Variants in CTTNBP2NL observed in about 807,000 individuals in gnomAD.
The protein encoded by CTTNBP2NL is CTTNBP2 N-terminal-like protein.
In CTTNBP2NL, 16 loss-of-function variants were observed where a neutral mutation model predicts 32.5. The ratio of observed to expected loss-of-function variants is 0.49; its 90% CI spans 0.33 to 0.75. The LOEUF (loss-of-function observed/expected upper bound fraction) is 0.75, where lower values mean the gene tolerates loss of function less well. Ranked by LOEUF, CTTNBP2NL falls within the 30% of genes least tolerant of loss-of-function variation. The probability of loss-of-function intolerance (pLI) is 0.02; values close to 1 mark genes in which losing one functional copy is unlikely to be tolerated. For synonymous variants in CTTNBP2NL, 298 were observed against 289.4 expected, an observed-to-expected ratio of 1.03 and a Z score of -0.30; for missense variants, 645 against 756.0, an observed-to-expected ratio of 0.85 and a Z score of 1.72.
chr1:112,441,021 A>G (rs111700425), intron 3 of CTTNBP2NL, among the ~76,000 whole-genome samples: 3,901 of 152,230 alleles, frequency 0.026, 165 homozygotes, highest in African/African-American at 0.089. Context: ...AACTTTTATT[A>G]TATATATTTA....
chr1:112,416,628 G>T (rs962665129), intron 3 of CTTNBP2NL, among the ~76,000 whole-genome samples: 2 of 151,952 alleles, frequency 1.3e-5, no homozygotes, highest in African/African-American at 4.8e-5. Flanking sequence ...GAGTAGCTGG[G>T]ACTACAGGCG....
At chr1:112,450,580 C>CT (rs1439494335) in intron 4 of CTTNBP2NL, among the ~76,000 whole-genome samples, 1 of 152,114 alleles carries the variant, frequency 6.6e-6, no homozygotes, top group Non-Finnish European at 1.5e-5. Context: ...CATGAGGTGA[C>CT]TGAGTTGTGT....
rs192971873 is a variant in CTTNBP2NL at position 112,407,904 on chromosome 1, A to G, written c.-133-4290A>G. Reference sequence around the variant, plus strand: ...GTATTGCCCGGGCTGGAGTGCAGTGACGTAATCTTGCCTCACTGCAACCTC... The same window carrying G: ...GTATTGCCCGGGCTGGAGTGCAGTGGCGTAATCTTGCCTCACTGCAACCTC... On this transcript the variant is annotated intron_variant, in intron 1 of 5. Coordinates refer to ENST00000271277, the MANE Select transcript of CTTNBP2NL (RefSeq NM_018704.3). Among the ~76,000 whole-genome samples the G allele has an allele frequency of 3.6e-4, 44 of 122,746 alleles. No individual in the cohort carries two copies. In the Middle Eastern group the frequency reaches 0.023, roughly 63 times the overall value. 80.5% of individuals were successfully genotyped at this position (122,746 alleles called of 152,430 possible). A position where few individuals can be genotyped will look rare whatever the true frequency, so the allele number is the denominator to read the frequency against.
At chr1:112,396,909 T>C (rs2488763) in intron 1 of CTTNBP2NL, among the ~76,000 whole-genome samples, 70,016 of 151,576 alleles carry the variant, frequency 0.46, 18,697 homozygotes, top group African/African-American at 0.75. Context: ...TTTGGGACTG[T>C]TTTGGACTGT....
chr1:112,396,166 C>G (rs1474053536), upstream of CTTNBP2NL: 1 of 152,324 alleles, frequency 6.6e-6, no homozygotes, highest in African/African-American at 2.4e-5. Flanking sequence ...GCGATTGGCG[C>G]TGGTGAATGC....
chr1:112,394,173 A>G (rs1358338084), upstream of CTTNBP2NL, among the ~76,000 whole-genome samples: 1 of 151,386 alleles, frequency 6.6e-6, no homozygotes, highest in South Asian at 2.1e-4. Context: ...ATTGCACTCC[A>G]GTCTGGGAGA....
At chr1:112,436,046 ATTT>A (rs374188144) in intron 3 of CTTNBP2NL, among the ~76,000 whole-genome samples, 1 of 124,956 alleles carries the variant, frequency 8.0e-6, no homozygotes, top group Non-Finnish European at 1.6e-5. Flanking sequence ...TTCTCCTGTG[ATTT>A]TTTTTTTTTT....
chr1:112,450,825 G>A (rs1278162434), intron 4 of CTTNBP2NL, among the ~76,000 whole-genome samples: 2 of 145,300 alleles, frequency 1.4e-5, no homozygotes, highest in Non-Finnish European at 3.0e-5. Context: ...GGAGTGCAGT[G>A]GTACAATCTT....
intron 3 of CTTNBP2NL, among the ~76,000 whole-genome samples, chr1:112,437,822 C>T (rs1439210570): frequency 6.6e-6 from 1 of 152,228 alleles, no homozygotes; most frequent in South Asian, 2.1e-4. Context: ...CATACCCGGC[C>T]GAGTTCCTTC....
chr1:112,404,183 A>T (rs913116458), intron 1 of CTTNBP2NL, among the ~76,000 whole-genome samples: 1 of 152,250 alleles, frequency 6.6e-6, no homozygotes, highest in Non-Finnish European at 1.5e-5. Context: ...CCACTATAAC[A>T]TACTGTCTCC....
chr1:112,398,222 T>G (rs1174135665), intron 1 of CTTNBP2NL, among the ~76,000 whole-genome samples: 1 of 152,212 alleles, frequency 6.6e-6, no homozygotes, highest in Non-Finnish European at 1.5e-5. Flanking sequence ...CAAATAATAT[T>G]CTTTTATTAT....
In CTTNBP2NL at chr1:112,456,539, T is replaced by C. The variant is rs1003894895; in HGVS notation, c.1047T>C (p.Asn349=). The C allele has an allele frequency of 3.7e-6, 6 of 1,614,040 alleles. No individual in the cohort carries two copies. The African/African-American group carries it at 6.7e-5, about 18-fold the overall frequency. The change falls in exon 6 of 6, where the codon AAT becomes AAC. Residue 349 remains asparagine (N), a synonymous_variant. Transcript: ENST00000271277. ...ATPAYSYAKT[N]GHCDPEIQTT... is the part of the protein sequence containing the mutation. ...CTGCTTACTCATATGCAAAAACCAATGGCCATTGTGACCCAGAGATACAAA... is the reference window on the plus strand; with the variant it reads ...CTGCTTACTCATATGCAAAAACCAACGGCCATTGTGACCCAGAGATACAAA...
rs146532715 is a variant in CTTNBP2NL at position 112,441,945 on chromosome 1, C to T, written c.100-6997C>T. Among the ~76,000 whole-genome samples, 1,255 of 152,218 alleles carry T rather than the reference C, an allele frequency of 8.2e-3. 18 individuals carry two copies. The highest frequency in any genetic ancestry group is 0.028 in the African/African-American group (1,180 of 41,524). ...GTCTCCCGAAAAAAGAGATTAGGATCTAATGTATCATTTAAAATAATACTT... is the reference window on the plus strand; with the variant it reads ...GTCTCCCGAAAAAAGAGATTAGGATTTAATGTATCATTTAAAATAATACTT... On this transcript the variant is annotated intron_variant, in intron 3 of 5. Coordinates refer to ENST00000271277, the MANE Select transcript of CTTNBP2NL (RefSeq NM_018704.3).
intron 2 of CTTNBP2NL, among the ~76,000 whole-genome samples, chr1:112,414,510 C>G (rs1649000484): frequency 1.3e-5 from 2 of 152,198 alleles, no homozygotes; most frequent in Admixed American, 1.3e-4. Context: ...AGCAGTAGCT[C>G]TGGAAGGAAT....
At chr1:112,421,165 C>T (rs1649215866) in intron 3 of CTTNBP2NL, among the ~76,000 whole-genome samples, 1 of 151,992 alleles carries the variant, frequency 6.6e-6, no homozygotes, top group Non-Finnish European at 1.5e-5. Context: ...AGGCCAGGCA[C>T]TGTGGCTTAT....
intron 5 of CTTNBP2NL, 142 bp from the exon 6 acceptor site, chr1:112,455,789 G>T: frequency 1.6e-6 from 1 of 622,064 alleles, no homozygotes; most frequent in Non-Finnish European, 2.8e-6. Flanking sequence ...CATTTTTTGT[G>T]TTAGGTGTTC....
chr1:112,449,166 C>T lies in CTTNBP2NL; in HGVS notation c.324C>T (p.His108=), dbSNP rs1387055192. The change falls in exon 4 of 6, where the codon CAC becomes CAT. Residue 108 remains histidine (H), a synonymous_variant. Transcript: ENST00000271277. ...LSQLAAAESR[H]RKVILDLEEE... ...AGCTGGCTGCTGCTGAGAGCAGGCA[C>T]CGAAAGGTAGGTTCACCTCAGTTGA... is the stretch of plus-strand genomic sequence containing the variant. 26 of 1,593,946 alleles carry T rather than the reference C, an allele frequency of 1.6e-5. No homozygotes were observed. Among genetic ancestry groups the T allele is most frequent in the Non-Finnish European group, 2.2e-5 (26 of 1,162,014 alleles).
chr1:112,414,688 C>A (rs1185506345), intron 2 of CTTNBP2NL: 1 of 152,100 alleles, frequency 6.6e-6, no homozygotes, highest in Non-Finnish European at 1.5e-5. Context: ...TATATCTTAC[C>A]ATACACACTG....
intron 4 of CTTNBP2NL, 118 bp downstream of exon 4, chr1:112,449,290 C>A: frequency 3.4e-6 from 2 of 581,046 alleles, no homozygotes; most frequent in East Asian, 2.8e-5. Context: ...TCACGGGTAT[C>A]AAAAAGCCCC....
Sources: gnomAD v4.1 joint callset for allele counts (sites outside exome capture counted in the v4.1 genomes callset) on GRCh38, gnomAD v4.1.1 for gene constraint, MANE v1.5 for transcripts, NCBI Gene and HGNC (gene_info 2026-07-23, HGNC 2026-07-21) for gene names.